The following APBA1 variants were observed in gnomAD, a reference collection of about 807,000 sequenced individuals.
APBA1 encodes amyloid beta precursor protein binding family A member 1.
In APBA1, 55 loss-of-function variants were observed where a neutral mutation model predicts 86.6. The ratio of observed to expected loss-of-function variants is 0.64; its 90% confidence interval spans 0.51 to 0.80. The LOEUF is 0.80. APBA1 is among the 30% of genes least tolerant of loss of function. APBA1 has a pLI of 0.00. For missense variants in APBA1, 1,090 were observed against 1,183.0 expected (o/e 0.92, Z 1.15); for synonymous variants, 511 against 493.9 (o/e 1.03, Z -0.46).
chr9:69,555,183 G>A (rs1161683107), intron 1 of APBA1, among the ~76,000 whole-genome samples: 1 of 152,158 alleles, frequency 6.6e-6, no homozygotes. Flanking sequence ...AATAACATTT[G>A]TGCAATCATT....
intron 1 of APBA1, among the ~76,000 whole-genome samples, chr9:69,597,436 C>T (rs939651006): frequency 7.9e-5 from 12 of 152,148 alleles, no homozygotes; most frequent in Non-Finnish European, 1.3e-4. Context: ...GGGTAGGTTG[C>T]GAAAATTGTC....
chr9:69,629,547 A>G lies in APBA1; in HGVS notation c.-70+42606T>C, dbSNP rs532716177. 1.6e-4 allele frequency among the ~76,000 whole-genome samples: 25 copies of G among 152,340 alleles called. No individual in the cohort carries two copies. In the South Asian group the frequency reaches 4.1e-3, roughly 25 times the overall value. On this transcript the variant is annotated intron_variant, in intron 1 of 12. Coordinates refer to ENST00000265381, the MANE Select transcript of APBA1 (RefSeq NM_001163.4). Reference sequence around the variant, plus strand: ...TGTTATGGTAAAATATTGAAGTTCCAGAAATTTCCAGAGGGACAAAGCATG... The same window carrying G: ...TGTTATGGTAAAATATTGAAGTTCCGGAAATTTCCAGAGGGACAAAGCATG...
chr9:69,570,178 C>A (rs562678954), intron 1 of APBA1, among the ~76,000 whole-genome samples: 2 of 152,102 alleles, frequency 1.3e-5, no homozygotes, highest in Non-Finnish European at 2.9e-5. Flanking sequence ...TTGCTTTATG[C>A]GATGGAAGTA....
At chr9:69,625,795 ACAACCAT>A (rs913940128) in intron 1 of APBA1, among the ~76,000 whole-genome samples, 2 of 152,220 alleles carry the variant, frequency 1.3e-5, no homozygotes, top group African/African-American at 4.8e-5. Flanking sequence ...GACTCAATGC[ACAACCAT>A]CAACTTGAAT....
intron 1 of APBA1, among the ~76,000 whole-genome samples, chr9:69,655,648 CTG>C (rs1477804585): frequency 7.2e-5 from 11 of 152,188 alleles, no homozygotes; most frequent in African/African-American, 2.2e-4. Context: ...ATTAAAATGA[CTG>C]TATCTACAGA....
chr9:69,518,989 G>A lies in APBA1; in HGVS notation c.-69-1710C>T, dbSNP rs147935619. Among the ~76,000 whole-genome samples the A allele has an allele frequency of 2.4e-4, 37 of 152,268 alleles. No individual in the cohort carries two copies. The East Asian group carries it at 5.8e-3, about 24-fold the overall frequency. On this transcript the variant is annotated intron_variant, in intron 1 of 12. Transcript: ENST00000265381. ...ATTCTCGCTAGAAGAAAAGAATCACGGTTTACAAGAGATGAACAATCTTTA... is the reference window on the plus strand; with the variant it reads ...ATTCTCGCTAGAAGAAAAGAATCACAGTTTACAAGAGATGAACAATCTTTA...
rs527925070 is a variant in APBA1, at chr9:69,459,442, C to G, written c.1483-1254G>C. Among the ~76,000 whole-genome samples the G allele has an allele frequency of 1.1e-3, 171 of 152,340 alleles. 1 individual carries two copies. Among genetic ancestry groups the G allele is most frequent in the African/African-American group, 3.9e-3 (161 of 41,570 alleles). ...GTCTGTGTATCCTGATTCTGTCAATCTTTATCTTACAGCTATGTTATAAGG... is the reference window on the plus strand; with the variant it reads ...GTCTGTGTATCCTGATTCTGTCAATGTTTATCTTACAGCTATGTTATAAGG... On this transcript the variant is annotated intron_variant, in intron 5 of 12. Transcript: ENST00000265381.
At chr9:69,512,070 T>TAATAAATAAATA (rs376385614) in intron 2 of APBA1, among the ~76,000 whole-genome samples, 21 of 148,456 alleles carry the variant, frequency 1.4e-4, no homozygotes, top group African/African-American at 3.5e-4. Flanking sequence ...ACTTAAAGTA[T>TAATAAATAAATA]AATAAATAAA....
At chr9:69,529,897 C>T (rs1836397015) in intron 1 of APBA1, among the ~76,000 whole-genome samples, 2 of 152,016 alleles carry the variant, frequency 1.3e-5, no homozygotes, top group African/African-American at 4.8e-5. Context: ...CATGAGCAGA[C>T]ATTTCTCAAA....
intron 11 of APBA1, among the ~76,000 whole-genome samples, chr9:69,435,767 T>C (rs1277960642): frequency 6.6e-6 from 1 of 152,248 alleles, no homozygotes; most frequent in Non-Finnish European, 1.5e-5. Flanking sequence ...TGGTAGTTTC[T>C]TTTGCTGTGC....
intron 1 of APBA1, among the ~76,000 whole-genome samples, chr9:69,623,567 C>T (rs959502196): frequency 7.2e-5 from 11 of 152,156 alleles, no homozygotes; most frequent in Non-Finnish European, 1.3e-4. Flanking sequence ...TTTGCAAGAG[C>T]TGGCCCTGAC....
At chr9:69,619,093 C>T (rs182983005) in intron 1 of APBA1, among the ~76,000 whole-genome samples, 8 of 152,242 alleles carry the variant, frequency 5.3e-5, no homozygotes, top group African/African-American at 1.2e-4. Flanking sequence ...TACAAAACCA[C>T]ATCAGTCAAC....
At chr9:69,578,855 ACT>A (rs1488590802) in intron 1 of APBA1, among the ~76,000 whole-genome samples, 1 of 152,098 alleles carries the variant, frequency 6.6e-6, no homozygotes, top group Non-Finnish European at 1.5e-5. Flanking sequence ...AGGGACAGTG[ACT>A]CTGCCTTTGT....
intron 1 of APBA1, among the ~76,000 whole-genome samples, chr9:69,556,851 A>T (rs1308623414): frequency 2.0e-5 from 3 of 152,178 alleles, no homozygotes. Context: ...TCTCAAGGGC[A>T]GGGACTCATA....
chr9:69,551,413 C>T (rs10120280), intron 1 of APBA1, among the ~76,000 whole-genome samples: 50 of 151,944 alleles, frequency 3.3e-4, no homozygotes, highest in African/African-American at 1.2e-3. Context: ...ATTAGCTGGG[C>T]GTGGTGGCAC....
At chr9:69,515,899 C>T (rs1836132370) in intron 2 of APBA1, 112 bp downstream of exon 2, 2 of 1,186,698 alleles carry the variant, frequency 1.7e-6, no homozygotes, top group East Asian at 2.7e-5. Context: ...TTCTTAGCGT[C>T]CCCACAGACT....
chr9:69,670,875 C>T lies in APBA1; in HGVS notation c.-70+1278G>A, dbSNP rs555258221. ...GTTTCCAAATGATACACGGCACCAC[C>T]TAGCTATTGTGACAGCTGGGAGAGT... On this transcript the variant is annotated intron_variant, in intron 1 of 12. Transcript: ENST00000265381. 2.0e-4 allele frequency among the ~76,000 whole-genome samples: 31 copies of T among 152,296 alleles called. No homozygotes were observed. The Middle Eastern group carries it at 0.01, about 50-fold the overall frequency.
chr9:69,562,344 A>G (rs985190689), intron 1 of APBA1, among the ~76,000 whole-genome samples: 1 of 151,838 alleles, frequency 6.6e-6, no homozygotes, highest in African/African-American at 2.4e-5. Context: ...TATTACTAGT[A>G]CCTTCATATA....
At chr9:69,633,416 C>T (rs965091975) in intron 1 of APBA1, among the ~76,000 whole-genome samples, 11 of 152,210 alleles carry the variant, frequency 7.2e-5, no homozygotes, top group African/African-American at 2.7e-4. Flanking sequence ...AAGCAGAAAG[C>T]AGCAGTTGAG....
Sources: gnomAD v4.1 joint callset for allele counts (sites outside exome capture counted in the v4.1 genomes callset) on GRCh38, gnomAD v4.1.1 for gene constraint, MANE v1.5 for transcripts, NCBI Gene and HGNC (gene_info 2026-07-23, HGNC 2026-07-21) for gene names.